The following SDK2 variants were observed in gnomAD, a reference collection of about 807,000 sequenced individuals.
SDK2 encodes protein sidekick-2.
In SDK2, 105 loss-of-function variants were observed where a neutral mutation model predicts 253.9. The ratio of observed to expected loss-of-function variants is 0.41; its 90% confidence interval spans 0.35 to 0.49. The LOEUF (loss-of-function observed/expected upper bound fraction) is 0.49. Among genes scored for constraint, SDK2 ranks in the 20% least tolerant of loss-of-function variants. SDK2 has a pLI of 0.06. For missense variants in SDK2, 2,608 were observed against 3,003.0 expected (o/e 0.87, Z 3.07); for synonymous variants, 1,249 against 1,234.9 (o/e 1.01, Z -0.24).
At chr17:73,610,666 C>A (rs2045962094) in intron 1 of SDK2, among the ~76,000 whole-genome samples, 1 of 151,708 alleles carries the variant, frequency 6.6e-6, no homozygotes, top group Non-Finnish European at 1.5e-5. Flanking sequence ...TCTGTGTGTG[C>A]ATGTGTTTTC....
chr17:73,379,349 G>C lies in SDK2; in HGVS notation c.4865-57C>G. ...GCGAGTAAACCTGGGAGGGGAGGTG[G>C]GCTGGGCGGGATGGGGAGCCCAGAT... On this transcript the variant is annotated intron_variant, in intron 35 of 44. Coordinates refer to ENST00000392650, the MANE Select transcript of SDK2 (RefSeq NM_001144952.2). The surrounding 1 kb of genome is among the most constrained non-coding windows in gnomAD (Gnocchi z 4.5). 2.0e-6 allele frequency: 3 copies of C among 1,473,518 alleles called. No homozygotes were observed. Among genetic ancestry groups the C allele is most frequent in the Non-Finnish European group, 2.8e-6 (3 of 1,075,084 alleles). The allele number at this position is 1,473,518 out of a possible 1,614,324, so 91.3% of individuals were successfully genotyped here.
intron 10 of SDK2, among the ~76,000 whole-genome samples, chr17:73,433,374 C>T (rs1415719875): frequency 1.3e-5 from 2 of 152,088 alleles, no homozygotes; most frequent in Non-Finnish European, 2.9e-5. Flanking sequence ...GCTCCACCTC[C>T]CAGGTTCAAG....
intron 1 of SDK2, among the ~76,000 whole-genome samples, chr17:73,626,193 G>T (rs1486456086): frequency 6.6e-6 from 1 of 152,236 alleles, no homozygotes; most frequent in East Asian, 1.9e-4. Context: ...CTTCTGAGAG[G>T]GCAAGAGATG....
rs118059494 is a variant in SDK2, at chr17:73,433,728, C to T, written c.1312+4G>A. The stretch of plus-strand genomic sequence containing the variant: ...CACACTCTCTGAAGGTGTGTTCCAT[C>T]TACCTTTCTGCCAAGTGATAGCTGG... On this transcript the variant is annotated splice_donor_region_variant and intron_variant, in intron 10 of 44. Transcript: ENST00000392650. The T allele has an allele frequency of 2.6e-3, 4,102 of 1,585,680 alleles. 176 individuals carry two copies. The East Asian group carries it at 0.082, about 32-fold the overall frequency.
At chr17:73,412,080 A>G (rs12939244) in intron 18 of SDK2, among the ~76,000 whole-genome samples, 25,227 of 129,504 alleles carry the variant, frequency 0.19, 3,232 homozygotes, top group African/African-American at 0.31. Flanking sequence ...GTATATATGT[A>G]TATGTATATA....
intron 1 of SDK2, among the ~76,000 whole-genome samples, chr17:73,510,410 A>G (rs1021781689): frequency 2.0e-5 from 3 of 152,154 alleles, no homozygotes; most frequent in African/African-American, 7.2e-5. Context: ...CCAGAGGGGC[A>G]AACCTGAGGG....
rs771944060 is a variant in SDK2, at chr17:73,352,680, G to A, written c.5594-43C>T. 1.1e-4 allele frequency: 179 copies of A among 1,603,866 alleles called. No individual in the cohort carries two copies. Among genetic ancestry groups the A allele is most frequent in the Non-Finnish European group, 1.4e-4 (169 of 1,172,036 alleles). On this transcript the variant is annotated intron_variant, in intron 40 of 44. Transcript: ENST00000392650. This position sits in a 1 kb window ranked among gnomAD's most constrained non-coding sequence, Gnocchi z 4.1. ...TGGAGGCCCTGGGAGGTGAGGGGAA[G>A]CCCCAAATCCCGCTCCCAGCCCCGT... is the stretch of plus-strand genomic sequence containing the variant.
chr17:73,388,513 T>C (rs535515885), intron 29 of SDK2, among the ~76,000 whole-genome samples: 1 of 152,262 alleles, frequency 6.6e-6, no homozygotes, highest in Admixed American at 6.5e-5. Flanking sequence ...TCAGCAGTAC[T>C]GGAATTCAGA....
At chr17:73,406,246 C>CT (rs56122304) in intron 18 of SDK2, among the ~76,000 whole-genome samples, 92,594 of 139,768 alleles carry the variant, frequency 0.66, 32,890 homozygotes, top group Non-Finnish European at 0.79. Flanking sequence ...CTACTACACT[C>CT]TTTTTTTTTT....
intron 38 of SDK2, among the ~76,000 whole-genome samples, chr17:73,363,657 G>A (rs1030823253): frequency 6.6e-6 from 1 of 152,116 alleles, no homozygotes; most frequent in African/African-American, 2.4e-5. Context: ...GAACTATTAT[G>A]GGAAGATGGG....
In SDK2 at chr17:73,361,746, C is replaced by G; in HGVS notation, c.5405G>C (p.Arg1802Thr). ...CGGCCCGTAGGTGAAGGTCTTGGCT[C>G]TGATGCGGAACCTGTAGGTCACCCC... is the stretch of plus-strand genomic sequence containing the variant. ...AEGVTYRFRI[R>T]AKTFTYGPEI... is the part of the protein sequence containing the mutation. Residue 1802 changes from arginine to threonine, a missense_variant, in exon 39 of 45, where the codon AGA becomes ACA. Coordinates refer to ENST00000392650, the MANE Select transcript of SDK2 (RefSeq NM_001144952.2). This position sits in a 1 kb window ranked among gnomAD's most constrained non-coding sequence, Gnocchi z 4.1. 6.2e-7 allele frequency: 1 copy of G among 1,613,720 alleles called. No homozygotes were observed. The highest frequency in any genetic ancestry group is 8.5e-7 in the Non-Finnish European group (1 of 1,179,674).
intron 1 of SDK2, among the ~76,000 whole-genome samples, chr17:73,640,051 C>A (rs898856580): frequency 6.6e-6 from 1 of 152,152 alleles, no homozygotes; most frequent in East Asian, 1.9e-4. Flanking sequence ...AAATGTGGAC[C>A]AATATGCAGG....
At chr17:73,551,306 C>T (rs1370882070) in intron 1 of SDK2, among the ~76,000 whole-genome samples, 1 of 152,190 alleles carries the variant, frequency 6.6e-6, no homozygotes, top group Non-Finnish European at 1.5e-5. Flanking sequence ...CCCCGTGGCA[C>T]GTTGCATGGC....
At position 73,599,248 on chromosome 17, in the gene SDK2, G is replaced by C. The variant is rs529318364; in HGVS notation, c.64+44777C>G. Among the ~76,000 whole-genome samples, 222 of 152,156 alleles carry C rather than the reference G, an allele frequency of 1.5e-3. 1 individual carries two copies. The highest frequency in any genetic ancestry group is 3.3e-3 in the Admixed American group (50 of 15,284). On this transcript the variant is annotated intron_variant, in intron 1 of 44. Coordinates refer to ENST00000392650, the MANE Select transcript of SDK2 (RefSeq NM_001144952.2). ...GGGAGTGAGAAAAGAAAGGAGAGAA[G>C]GTGCTGGGCACGGTGGCTCACGCCT...
At position 73,424,107 on chromosome 17, in the gene SDK2, A is replaced by G. The variant is rs1279727611; in HGVS notation, c.1584-15T>C. 11 of 1,606,532 alleles carry G rather than the reference A, an allele frequency of 6.8e-6. No individual in the cohort carries two copies. The highest frequency in any genetic ancestry group is 9.3e-6 in the Non-Finnish European group (11 of 1,177,584). ...CCCAGATGTACCTAAAAGTAAGAAGAACCCGTAAGTACAGAGGGAGAGGAA... is the reference window on the plus strand; with the variant it reads ...CCCAGATGTACCTAAAAGTAAGAAGGACCCGTAAGTACAGAGGGAGAGGAA... On this transcript the variant is annotated splice_polypyrimidine_tract_variant and intron_variant, in intron 12 of 44. Transcript: ENST00000392650.
chr17:73,433,772 CT>C lies in SDK2; in HGVS notation c.1271del (p.Glu424GlyfsTer67). ...IDGMSVVLAC[E>X]TSGAPRPAIT... Reference sequence around the variant, plus strand: ...TAGCTGGTCGGGGCGCCCCCGAGGTCTCACATGCTAGCACCACTGACATGCC... The same window carrying C: ...TAGCTGGTCGGGGCGCCCCCGAGGTCCACATGCTAGCACCACTGACATGCC... On this transcript the variant is annotated frameshift_variant, in exon 10 of 45. Coordinates refer to ENST00000392650, the MANE Select transcript of SDK2 (RefSeq NM_001144952.2). LOFTEE classifies it high-confidence loss of function. 1 of 1,608,844 alleles carries C rather than the reference CT, an allele frequency of 6.2e-7. No homozygotes were observed. Among genetic ancestry groups the C allele is most frequent in the Non-Finnish European group, 8.5e-7 (1 of 1,177,616 alleles).
At chr17:73,532,686 T>C (rs371825465) in intron 1 of SDK2, among the ~76,000 whole-genome samples, 135 of 152,278 alleles carry the variant, frequency 8.9e-4, no homozygotes, top group African/African-American at 3.2e-3. Context: ...TAATGGCAGC[T>C]GCAAAGGGTA....
chr17:73,550,297 C>G (rs894195549), intron 1 of SDK2, among the ~76,000 whole-genome samples: 2 of 152,156 alleles, frequency 1.3e-5, no homozygotes, highest in African/African-American at 4.8e-5. Flanking sequence ...CTAGGGTTAA[C>G]GGTTCTGAAA....
At chr17:73,584,759 A>G (rs1399538607) in intron 1 of SDK2, among the ~76,000 whole-genome samples, 1 of 152,140 alleles carries the variant, frequency 6.6e-6, no homozygotes, top group Non-Finnish European at 1.5e-5. Context: ...CCGCATCTTA[A>G]TGGGGTCTCC....
Sources: allele counts gnomAD v4.1 joint callset (sites outside exome capture counted in the v4.1 genomes callset), GRCh38; gene constraint gnomAD v4.1.1; non-coding constraint Gnocchi (gnomAD v3.1); transcripts MANE v1.5; gene names NCBI Gene and HGNC (gene_info 2026-07-23, HGNC 2026-07-21).